The following KCNT1 variants were observed in gnomAD, a reference collection of about 807,000 sequenced individuals.
The protein encoded by KCNT1 is potassium channel subfamily T member 1.
KCNT1 carries 78 observed loss-of-function variants against 147.8 expected under a neutral mutation model. That is an observed-to-expected ratio of 0.53 (90% CI 0.44 to 0.64). KCNT1 has a LOEUF of 0.64. KCNT1 is among the 30% of genes least tolerant of loss of function. The probability of loss-of-function intolerance (pLI) is 0.00; values close to 1 mark genes in which losing one functional copy is unlikely to be tolerated. For synonymous variants in KCNT1, 867 were observed against 748.8 expected (o/e 1.16, Z -2.58); for missense variants, 1,419 against 1,750.3 (o/e 0.81, Z 3.38).
chr9:135,786,638 C>CTG, intron 29 of KCNT1, 117 bp downstream of exon 29: 1 of 981,444 alleles, frequency 1.0e-6, no homozygotes, highest in East Asian at 2.9e-5. Context: ...TGTCTGTCAT[C>CTG]TGTCTGTCTG....
chr9:135,725,337 G>C (rs1272547867), intron 2 of KCNT1, among the ~76,000 whole-genome samples: 1 of 152,238 alleles, frequency 6.6e-6, no homozygotes, highest in Non-Finnish European at 1.5e-5. Context: ...ATTAGTTGAG[G>C]ATCTCAAGGT....
chr9:135,703,470 C>T (rs1835117859), intron 1 of KCNT1, among the ~76,000 whole-genome samples: 1 of 152,226 alleles, frequency 6.6e-6, no homozygotes, highest in African/African-American at 2.4e-5. Flanking sequence ...GAGGCAGGCA[C>T]AGCACCCACC....
intron 19 of KCNT1, among the ~76,000 whole-genome samples, chr9:135,774,063 G>A (rs1201045720): frequency 2.6e-5 from 4 of 152,076 alleles, no homozygotes; most frequent in Non-Finnish European, 2.9e-5. Flanking sequence ...TGTTATGTGT[G>A]TGGTGTGTGT....
At chr9:135,788,308 T>G (rs906482730) in intron 29 of KCNT1, 3 of 725,362 alleles carry the variant, frequency 4.1e-6, no homozygotes, top group South Asian at 1.5e-5. Context: ...GCGGCCCTGT[T>G]GGGCAAGGCC....
In KCNT1 at chr9:135,757,321, C is replaced by T; in HGVS notation, c.699C>T (p.Asn233=). 2 of 1,612,134 alleles carry T rather than the reference C, an allele frequency of 1.2e-6. No homozygotes were observed. Among genetic ancestry groups the T allele is most frequent in the South Asian group, 1.1e-5 (1 of 91,072 alleles). ...AGATCTTCTGGCCGCCGCTGCGGAA[C>T]CTGTTCATCCCCGTCTTTCTGAACT... ...IITIFWPPLR[N]LFIPVFLNCW... The change falls in exon 9 of 31, where the codon AAC becomes AAT. Residue 233 remains asparagine (N), a synonymous_variant. Coordinates refer to ENST00000371757, the MANE Select transcript of KCNT1 (RefSeq NM_020822.3).
At chr9:135,780,451 C>A (rs1465099353) in intron 24 of KCNT1, among the ~76,000 whole-genome samples, 5 of 152,220 alleles carry the variant, frequency 3.3e-5, no homozygotes, top group African/African-American at 1.2e-4. Context: ...TTTGTCCCAC[C>A]TGAACCCGAT....
chr9:135,773,361 G>C (rs1286677143), intron 19 of KCNT1, among the ~76,000 whole-genome samples: 2 of 152,174 alleles, frequency 1.3e-5, no homozygotes, highest in Non-Finnish European at 2.9e-5. Flanking sequence ...ATGGAGCTGG[G>C]CAGTGACCCC....
chr9:135,768,984 C>T (rs560362640), intron 15 of KCNT1, 47 bp downstream of exon 15: 16 of 1,392,968 alleles, frequency 1.1e-5, no homozygotes, highest in Middle Eastern at 1.9e-4. Flanking sequence ...GGGCAGGGCA[C>T]GTGTGCACAC....
rs934294202 is a variant in KCNT1, at chr9:135,714,190, G to C, written c.111-387G>C. Among the ~76,000 whole-genome samples, 8 of 151,728 alleles carry C rather than the reference G, an allele frequency of 5.3e-5. No homozygotes were observed. Among genetic ancestry groups the C allele is most frequent in the African/African-American group, 1.9e-4 (8 of 41,334 alleles). On this transcript the variant is annotated intron_variant, in intron 1 of 30. Transcript: ENST00000371757. This position sits in a 1 kb window ranked among gnomAD's most constrained non-coding sequence, Gnocchi z 6.2. ...GGGAGCTGGGGAGTTGGGAGGGGTT[G>C]CAGGGGTGTGGCGGGGCTTCAGAGC...
intron 3 of KCNT1, chr9:135,750,652 C>T: frequency 1.9e-6 from 1 of 537,936 alleles, no homozygotes; most frequent in Middle Eastern, 5.0e-4. Context: ...CACCTGCCTG[C>T]TCCCCAATCC....
At chr9:135,783,875 T>C (rs1006444610) in intron 24 of KCNT1, 149 bp from the exon 25 acceptor site, 2 of 652,576 alleles carry the variant, frequency 3.1e-6, no homozygotes. Context: ...ACACACTGTG[T>C]ACACGTGGAC....
chr9:135,706,675 G>A (rs1282452413), intron 1 of KCNT1, among the ~76,000 whole-genome samples: 2 of 152,196 alleles, frequency 1.3e-5, no homozygotes, highest in Admixed American at 6.5e-5. Flanking sequence ...GCCAGAAGTG[G>A]GTCCTCATGC....
rs1833210802 is a variant in KCNT1, at chr9:135,776,894, C to T, written c.2350-444C>T. Among the ~76,000 whole-genome samples the T allele has an allele frequency of 3.9e-5, 6 of 152,238 alleles. No individual in the cohort carries two copies. In the South Asian group the frequency reaches 1.2e-3, roughly 31 times the overall value. ...TGTTCCAGCCACATCTTGGCCTTCG[C>T]CTGCTCCAGTCTGGAATGAACCACT... On this transcript the variant is annotated intron_variant, in intron 20 of 30. Transcript: ENST00000371757.
intron 13 of KCNT1, among the ~76,000 whole-genome samples, chr9:135,767,842 G>C (rs1047017012): frequency 1.1e-4 from 16 of 152,040 alleles, no homozygotes; most frequent in Non-Finnish European, 2.2e-4. Context: ...AACAGGGCCT[G>C]GGGGAGGAAG....
chr9:135,757,071 G>A lies in KCNT1; in HGVS notation c.601-85G>A, dbSNP rs970604734. The A allele has an allele frequency of 5.0e-5, 54 of 1,083,296 alleles. 1 individual carries two copies. Among genetic ancestry groups the A allele is most frequent in the South Asian group, 1.1e-4 (8 of 71,698 alleles). The allele number at this position is 1,083,296 out of a possible 1,614,324, so 67.1% of individuals were successfully genotyped here. On this transcript the variant is annotated intron_variant, in intron 7 of 30. Transcript: ENST00000371757. ...CACTGACCTCCAGGGTGGGCTCCTC[G>A]CCCTCTTCCCCACCCTGCCCCTCCC...
Position 135,731,556 on chromosome 9 carries a change from T to G in KCNT1, c.254+16836T>G, listed in dbSNP as rs28612688. On this transcript the variant is annotated intron_variant, in intron 2 of 30. Transcript: ENST00000371757. ...ATTTCATCTTTGAGGTGGCTGTGGT[T>G]GTTTTTCTCCCAACAAGGGCGTGTG... Among the ~76,000 whole-genome samples the G allele has an allele frequency of 2.8e-3, 430 of 152,316 alleles. 4 individuals carry two copies. Among genetic ancestry groups the G allele is most frequent in the African/African-American group, 9.8e-3 (408 of 41,566 alleles).
At chr9:135,791,462 A>G (rs1834520594) in intron 29 of KCNT1, 1 of 305,504 alleles carries the variant, frequency 3.3e-6, no homozygotes. Context: ...AGGCTGACGT[A>G]CGTGGCAGGT....
intron 2 of KCNT1, among the ~76,000 whole-genome samples, chr9:135,743,485 G>A (rs1381229366): frequency 1.3e-5 from 2 of 152,134 alleles, no homozygotes; most frequent in East Asian, 3.9e-4. Flanking sequence ...CGGCACCCAT[G>A]GTGGGACCTA....
chr9:135,784,376 TG>T (rs1414531153), intron 25 of KCNT1, among the ~76,000 whole-genome samples, 158 bp from the exon 26 acceptor site: 12 of 152,008 alleles, frequency 7.9e-5, no homozygotes, highest in Non-Finnish European at 1.6e-4. Flanking sequence ...ATGTGGTGCT[TG>T]GGGACCTGGT....
Sources: allele counts gnomAD v4.1 joint callset (sites outside exome capture counted in the v4.1 genomes callset), GRCh38; gene constraint gnomAD v4.1.1; non-coding constraint Gnocchi (gnomAD v3.1); transcripts MANE v1.5; gene names NCBI Gene and HGNC (gene_info 2026-07-23, HGNC 2026-07-21).